Variants in SLC39A11 observed in about 807,000 individuals in gnomAD.
SLC39A11 encodes the protein solute carrier family 39 member 11.
SLC39A11 carries 33 observed loss-of-function variants against 36.1 expected under a neutral mutation model. That is an observed-to-expected ratio of 0.91 (90% CI 0.69 to 1.22). The LOEUF is 1.22. SLC39A11 is among the 50% of genes most tolerant of loss of function. The pLI, the probability that SLC39A11 is intolerant of heterozygous loss-of-function variation, is 0.00. For synonymous variants in SLC39A11, 166 were observed against 170.3 expected (o/e 0.97, Z 0.20); for missense variants, 432 against 430.3 (o/e 1.00, Z -0.03).
chr17:72,671,656 G>A (rs1047461584), intron 7 of SLC39A11, among the ~76,000 whole-genome samples: 32 of 152,088 alleles, frequency 2.1e-4, no homozygotes, highest in Non-Finnish European at 4.6e-4. Flanking sequence ...AGGAGGTGGC[G>A]GTTGCAGTAA....
At chr17:72,816,451 C>T (rs1020474479) in intron 6 of SLC39A11, among the ~76,000 whole-genome samples, 3 of 122 alleles carry the variant, frequency 0.025, no homozygotes, top group African/African-American at 0.11. Context: ...TAATTAGAAG[C>T]GAAACATTTA....
intron 6 of SLC39A11, 150 bp downstream of exon 6, chr17:72,849,484 A>AGCCAAGAAAGATTTGTACT (rs2079197692): frequency 2.8e-6 from 2 of 712,842 alleles, no homozygotes; most frequent in Admixed American, 6.7e-5. Context: ...CAAAAAATAA[A>AGCCAAGAAAGATTTGTACT]GCCAAGAAAG....
intron 6 of SLC39A11, among the ~76,000 whole-genome samples, chr17:72,808,307 G>A (rs1354638282): frequency 6.6e-6 from 1 of 152,240 alleles, no homozygotes; most frequent in African/African-American, 2.4e-5. Flanking sequence ...GACAGGAAGA[G>A]AAGCTTGACA....
chr17:73,028,673 G>A (rs2058639802), intron 4 of SLC39A11, among the ~76,000 whole-genome samples: 1 of 152,134 alleles, frequency 6.6e-6, no homozygotes, highest in South Asian at 2.1e-4. Flanking sequence ...GATGATGTCT[G>A]TTTCTGAGCT....
chr17:73,042,336 G>A (rs568997935), intron 3 of SLC39A11, among the ~76,000 whole-genome samples: 110 of 152,296 alleles, frequency 7.2e-4, no homozygotes, highest in Non-Finnish European at 1.1e-3. Flanking sequence ...GGTACACAGA[G>A]GTAGGACAGG....
At chr17:72,765,163 T>C (rs1015249893) in intron 6 of SLC39A11, among the ~76,000 whole-genome samples, 1 of 152,198 alleles carries the variant, frequency 6.6e-6, no homozygotes, top group Admixed American at 6.5e-5. Flanking sequence ...TCAAAAGATA[T>C]GCGACTTCCC....
At chr17:72,739,245 A>G (rs920699289) in intron 6 of SLC39A11, among the ~76,000 whole-genome samples, 1 of 151,466 alleles carries the variant, frequency 6.6e-6, no homozygotes, top group African/African-American at 2.4e-5. Context: ...CTCCTGCCTC[A>G]GCCTCCCAAG....
chr17:72,765,163 T>G (rs1015249893), intron 6 of SLC39A11, among the ~76,000 whole-genome samples: 1 of 152,198 alleles, frequency 6.6e-6, no homozygotes, highest in South Asian at 2.1e-4. Context: ...TCAAAAGATA[T>G]GCGACTTCCC....
At chr17:72,827,875 A>C (rs1016655745) in intron 6 of SLC39A11, among the ~76,000 whole-genome samples, 5 of 152,222 alleles carry the variant, frequency 3.3e-5, no homozygotes, top group African/African-American at 1.2e-4. Flanking sequence ...TTACTGTGGG[A>C]CAGGTGCCCA....
chr17:72,790,381 G>T (rs1473626067), intron 6 of SLC39A11, among the ~76,000 whole-genome samples: 1 of 152,104 alleles, frequency 6.6e-6, no homozygotes, highest in African/African-American at 2.4e-5. Context: ...CAACAAAACC[G>T]CACCCTTCTG....
Position 72,930,950 on chromosome 17 carries a change from G to A in SLC39A11, c.430+16802C>T, listed in dbSNP as rs1042949549. Among the ~76,000 whole-genome samples the A allele has an allele frequency of 8.5e-5, 13 of 152,336 alleles. No individual in the cohort carries two copies. In the East Asian group the frequency reaches 2.3e-3, roughly 27 times the overall value. Reference sequence around the variant, plus strand: ...TACAAAGAAAGAAGACAGGGCCCCAGAAGAGCTCTTCCAATTCCTGGTACC... The same window carrying A: ...TACAAAGAAAGAAGACAGGGCCCCAAAAGAGCTCTTCCAATTCCTGGTACC... On this transcript the variant is annotated intron_variant, in intron 5 of 9. Coordinates refer to ENST00000255559, the MANE Select transcript of SLC39A11 (RefSeq NM_139177.4).
chr17:72,959,335 A>ATG (rs2086461149), intron 4 of SLC39A11, among the ~76,000 whole-genome samples: 2 of 88,974 alleles, frequency 2.2e-5, no homozygotes, highest in African/African-American at 8.4e-5. Context: ...GTATATATAT[A>ATG]TATATATATA....
chr17:72,896,243 C>G (rs1294746291), intron 5 of SLC39A11, among the ~76,000 whole-genome samples: 1 of 142,516 alleles, frequency 7.0e-6, no homozygotes, highest in African/African-American at 2.7e-5. Flanking sequence ...GCTCTGTCAC[C>G]CAGGCTGGAG....
rs576077073 is a variant in SLC39A11 at position 72,919,678 on chromosome 17, A to G, written c.430+28074T>C. Among the ~76,000 whole-genome samples the G allele has an allele frequency of 1.0e-3, 151 of 145,374 alleles. 1 individual carries two copies. The East Asian group carries it at 0.024, about 23-fold the overall frequency. On this transcript the variant is annotated intron_variant, in intron 5 of 9. Transcript: ENST00000255559. The stretch of plus-strand genomic sequence containing the variant: ...CAGAGGGAGAGTCCGTCAAAAAAAA[A>G]AAAAAAAGAAAAAAAGAAGGAAACC...
At chr17:72,674,465 C>T (rs2071164606) in intron 7 of SLC39A11, among the ~76,000 whole-genome samples, 1 of 152,146 alleles carries the variant, frequency 6.6e-6, no homozygotes, top group South Asian at 2.1e-4. Flanking sequence ...ATTTAGGTTG[C>T]CTCCAATATT....
intron 5 of SLC39A11, among the ~76,000 whole-genome samples, chr17:72,852,868 A>G (rs2079432453): frequency 6.6e-6 from 1 of 152,218 alleles, no homozygotes; most frequent in South Asian, 2.1e-4. Flanking sequence ...GTCATGGTGG[A>G]GGGTCCTCAG....
chr17:73,007,084 C>T (rs1464206115), intron 4 of SLC39A11, among the ~76,000 whole-genome samples: 2 of 152,194 alleles, frequency 1.3e-5, no homozygotes, highest in African/African-American at 4.8e-5. Context: ...AGCTAAGCAA[C>T]CACGCAGCAC....
intron 6 of SLC39A11, among the ~76,000 whole-genome samples, chr17:72,836,346 C>CTT (rs11385302): frequency 0.059 from 8,620 of 145,590 alleles, 363 homozygotes; most frequent in Non-Finnish European, 0.093. Flanking sequence ...TGGCCTCGGG[C>CTT]TTTTTTTTTT....
chr17:72,866,340 GC>G (rs1412525864), intron 5 of SLC39A11, among the ~76,000 whole-genome samples: 1 of 152,102 alleles, frequency 6.6e-6, no homozygotes, highest in African/African-American at 2.4e-5. Flanking sequence ...AGGAAAACAA[GC>G]TCGGGGCTCC....
Sources: allele counts gnomAD v4.1 joint callset (sites outside exome capture counted in the v4.1 genomes callset), GRCh38; gene constraint gnomAD v4.1.1; transcripts MANE v1.5; gene names NCBI Gene and HGNC (gene_info 2026-07-23, HGNC 2026-07-21).